The following PRKG1 variants were observed in gnomAD, a reference collection of about 807,000 sequenced individuals.
The protein encoded by PRKG1 is cGMP-dependent protein kinase 1.
A neutral mutation model predicts 88.1 loss-of-function variants in PRKG1; 35 were observed. The ratio of observed to expected loss-of-function variants is 0.40; its 90% CI spans 0.30 to 0.53. The LOEUF is 0.53. Among genes scored for constraint, PRKG1 ranks in the 20% least tolerant of loss-of-function variants. The pLI, the probability that PRKG1 is intolerant of heterozygous loss-of-function variation, is 0.59. For synonymous variants in PRKG1, 303 were observed against 292.5 expected, an observed-to-expected ratio of 1.04 and a Z score of -0.37; for missense variants, 540 against 839.8, an observed-to-expected ratio of 0.64 and a Z score of 4.41.
chr10:52,148,090 T>TA (rs976869449), intron 8 of PRKG1, among the ~76,000 whole-genome samples: 37 of 152,340 alleles, frequency 2.4e-4, no homozygotes, highest in African/African-American at 7.9e-4. Context: ...TAAGTTCTAA[T>TA]AAAAATCAGA....
intron 3 of PRKG1, among the ~76,000 whole-genome samples, chr10:51,674,046 A>G (rs553508664): frequency 1.1e-4 from 17 of 152,330 alleles, no homozygotes; most frequent in African/African-American, 3.4e-4. Context: ...ATATTGGAGA[A>G]TACCAAGAGA....
intron 1 of PRKG1, among the ~76,000 whole-genome samples, chr10:50,995,374 A>C (rs1842827434): frequency 1.3e-5 from 2 of 152,186 alleles, no homozygotes; most frequent in African/African-American, 4.8e-5. Flanking sequence ...AGCTCTCAGC[A>C]TAAGTATCAA....
chr10:52,120,495 C>A (rs1036090735), intron 7 of PRKG1, among the ~76,000 whole-genome samples: 32 of 152,240 alleles, frequency 2.1e-4, no homozygotes, highest in African/African-American at 7.7e-4. Context: ...CCTATGAAAT[C>A]AAGACAGGTT....
At chr10:51,105,707 TA>T (rs1844817084) in intron 1 of PRKG1, among the ~76,000 whole-genome samples, 2 of 145,208 alleles carry the variant, frequency 1.4e-5, no homozygotes, top group African/African-American at 5.0e-5. Flanking sequence ...CTTTTATTTA[TA>T]AAAATAATTT....
intron 3 of PRKG1, among the ~76,000 whole-genome samples, chr10:51,736,324 C>A (rs997018444): frequency 2.0e-5 from 3 of 152,014 alleles, no homozygotes; most frequent in Non-Finnish European, 4.4e-5. Context: ...ATATGATGCC[C>A]AGACTGGTCT....
intron 2 of PRKG1, among the ~76,000 whole-genome samples, chr10:51,331,490 G>A (rs1442749733): frequency 6.6e-6 from 1 of 152,152 alleles, no homozygotes; most frequent in African/African-American, 2.4e-5. Flanking sequence ...TGGGGTCCAA[G>A]GCAAAGTCCT....
At chr10:51,507,180 T>G (rs1841241405) in intron 3 of PRKG1, among the ~76,000 whole-genome samples, 1 of 151,108 alleles carries the variant, frequency 6.6e-6, no homozygotes, top group South Asian at 2.1e-4. Flanking sequence ...AGGGATAGCA[T>G]TAGGAGATAT....
intron 3 of PRKG1, among the ~76,000 whole-genome samples, chr10:51,580,359 G>C (rs1008630037): frequency 1.3e-5 from 2 of 151,984 alleles, no homozygotes; most frequent in Non-Finnish European, 2.9e-5. Flanking sequence ...TATTATTCTT[G>C]CATGGGAATT....
chr10:52,228,296 A>G (rs1840440026), intron 9 of PRKG1, among the ~76,000 whole-genome samples: 1 of 151,992 alleles, frequency 6.6e-6, no homozygotes, highest in South Asian at 2.1e-4. Context: ...AAAAAAAAAA[A>G]AAGAAATGAA....
At chr10:51,381,190 G>A (rs536614519) in intron 2 of PRKG1, among the ~76,000 whole-genome samples, 1 of 136,490 alleles carries the variant, frequency 7.3e-6, no homozygotes, top group Non-Finnish European at 1.5e-5. Context: ...CCAGGAGGTG[G>A]AGGTTTCAGT....
intron 2 of PRKG1, among the ~76,000 whole-genome samples, chr10:51,213,248 T>G (rs564271673): frequency 6.7e-6 from 1 of 150,082 alleles, no homozygotes; most frequent in African/African-American, 2.5e-5. Context: ...TTTTCACTCA[T>G]AAGTGGGAAT....
At chr10:51,512,078 A>G (rs1841428099) in intron 3 of PRKG1, among the ~76,000 whole-genome samples, 1 of 152,058 alleles carries the variant, frequency 6.6e-6, no homozygotes, top group South Asian at 2.1e-4. Context: ...TGGCAAAACT[A>G]TAATCCAGTA....
intron 3 of PRKG1, among the ~76,000 whole-genome samples, chr10:51,609,816 A>G (rs1307758397): frequency 1.3e-5 from 2 of 152,074 alleles, no homozygotes; most frequent in Non-Finnish European, 2.9e-5. Context: ...GGAGGGGAAC[A>G]ACACACACTG....
chr10:51,965,698 A>T (rs1165608896), intron 5 of PRKG1, among the ~76,000 whole-genome samples: 3 of 152,190 alleles, frequency 2.0e-5, no homozygotes, highest in African/African-American at 7.2e-5. Context: ...GTAACAGTAA[A>T]AATATCTGGA....
At chr10:51,806,411 TGTTTTC>T (rs1371444893) in intron 4 of PRKG1, among the ~76,000 whole-genome samples, 1 of 152,232 alleles carries the variant, frequency 6.6e-6, no homozygotes, top group Non-Finnish European at 1.5e-5. Context: ...TGTGTGTGTG[TGTTTTC>T]AAATTCAAAT....
chr10:52,069,547 G>A (rs999052519), intron 7 of PRKG1, among the ~76,000 whole-genome samples: 2 of 144,590 alleles, frequency 1.4e-5, no homozygotes, highest in Non-Finnish European at 1.6e-5. Context: ...AAAAAGAAAA[G>A]ATAAAACAAT....
intron 5 of PRKG1, among the ~76,000 whole-genome samples, chr10:51,938,101 G>A (rs1488824605): frequency 1.3e-5 from 2 of 152,016 alleles, no homozygotes; most frequent in Non-Finnish European, 2.9e-5. Context: ...GTCAATAGTA[G>A]GCTAATACAA....
chr10:51,114,500 G>A (rs985720882), intron 1 of PRKG1, among the ~76,000 whole-genome samples: 2 of 151,616 alleles, frequency 1.3e-5, no homozygotes, highest in Admixed American at 6.6e-5. Flanking sequence ...AAGGGGAGGG[G>A]GACAAGGTGG....
chr10:52,060,222 G>T (rs1846206070), intron 6 of PRKG1, among the ~76,000 whole-genome samples: 4 of 151,762 alleles, frequency 2.6e-5, no homozygotes, highest in African/African-American at 9.7e-5. Flanking sequence ...AATAAAATTG[G>T]ATCCTTAGCT....
Sources: gnomAD v4.1 joint callset for allele counts (sites outside exome capture counted in the v4.1 genomes callset) on GRCh38, gnomAD v4.1.1 for gene constraint, MANE v1.5 for transcripts, NCBI Gene and HGNC (gene_info 2026-07-23, HGNC 2026-07-21) for gene names.